SLC7A2: variants seen among roughly 807,000 people sequenced by gnomAD.
SLC7A2 encodes cationic amino acid transporter 2.
SLC7A2 carries 48 observed loss-of-function variants against 58.9 expected under a neutral mutation model. The ratio of observed to expected loss-of-function variants is 0.82; its 90% CI spans 0.65 to 1.04. The LOEUF (loss-of-function observed/expected upper bound fraction) is 1.04. SLC7A2 is among the 50% of genes least tolerant of loss of function. The pLI is 0.00. For synonymous variants in SLC7A2, 363 were observed against 314.5 expected, an observed-to-expected ratio of 1.15 and a Z score of -1.63; for missense variants, 1,029 against 818.8, an observed-to-expected ratio of 1.26 and a Z score of -3.13.
rs367835324 is a variant in SLC7A2 at position 17,544,484 on chromosome 8, C to G, written c.410C>G (p.Thr137Ser). 5.0e-6 allele frequency: 8 copies of G among 1,613,832 alleles called. No homozygotes were observed. The African/African-American group carries it at 9.3e-5, about 19-fold the overall frequency. The change falls in exon 4 of 13, where the codon ACC becomes AGC. Residue 137 changes from threonine to serine, a missense_variant. Physicochemically the swap from Thr to Ser is moderately conservative, Grantham distance 58. Coordinates refer to ENST00000494857, the MANE Select transcript of SLC7A2 (RefSeq NM_001370338.1). ...TSSVARAWSG[T>S]FDELLSKQIG... ...AGTGTTGCAAGAGCCTGGAGTGGCA[C>G]CTTTGATGAACTTCTTAGCAAACAG...
At chr8:17,505,058 G>A (rs938323078) in intron 2 of SLC7A2, among the ~76,000 whole-genome samples, 1 of 152,042 alleles carries the variant, frequency 6.6e-6, no homozygotes, top group Non-Finnish European at 1.5e-5. Context: ...GAAATTAAGT[G>A]ATGGAAGCAT....
At chr8:17,543,217 A>AAC (rs1243072765) in intron 2 of SLC7A2, 101 bp from the exon 3 acceptor site, 184 of 774,522 alleles carry the variant, frequency 2.4e-4, no homozygotes, top group African/African-American at 1.4e-3. Flanking sequence ...CACACACACA[A>AAC]ACACACACAC....
At chr8:17,502,129 A>G (rs1431614116) in intron 1 of SLC7A2, 128 bp from the exon 2 acceptor site, 2 of 151,580 alleles carry the variant, frequency 1.3e-5, no homozygotes, top group East Asian at 1.9e-4. Context: ...ATATATATGT[A>G]TGGTGGGAGT....
intron 2 of SLC7A2, among the ~76,000 whole-genome samples, chr8:17,542,764 C>G (rs1257190425): frequency 6.6e-6 from 1 of 152,162 alleles, no homozygotes; most frequent in Non-Finnish European, 1.5e-5. Context: ...AATTAGCCAT[C>G]TCTTGAAATA....
chr8:17,509,147 A>G (rs572135376), intron 2 of SLC7A2, among the ~76,000 whole-genome samples: 1 of 152,294 alleles, frequency 6.6e-6, no homozygotes, highest in African/African-American at 2.4e-5. Context: ...CCTTTCCTTC[A>G]TCATGTCATT....
chr8:17,535,526 C>T (rs1012594113), intron 2 of SLC7A2, among the ~76,000 whole-genome samples: 5 of 152,134 alleles, frequency 3.3e-5, no homozygotes, highest in Admixed American at 1.3e-4. Context: ...ATTGGGGCAG[C>T]CTATTTATGG....
chr8:17,517,514 C>T (rs952031089), intron 2 of SLC7A2, among the ~76,000 whole-genome samples: 4 of 151,820 alleles, frequency 2.6e-5, no homozygotes, highest in African/African-American at 7.3e-5. Flanking sequence ...TGTAGGTAAC[C>T]TTCTTCTATT....
chr8:17,560,560 T>C, intron 10 of SLC7A2, 27 bp downstream of exon 10: 1 of 1,565,182 alleles, frequency 6.4e-7, no homozygotes, highest in Non-Finnish European at 8.8e-7. Context: ...GCTTACATTG[T>C]ACAGACCCAG....
chr8:17,505,136 C>T (rs539415451), intron 2 of SLC7A2, among the ~76,000 whole-genome samples: 66 of 135,058 alleles, frequency 4.9e-4, no homozygotes, highest in African/African-American at 1.6e-3. Context: ...AAAAAGAATG[C>T]ACATCTGTAT....
At chr8:17,558,829 A>G (rs2150773394) in intron 9 of SLC7A2, among the ~76,000 whole-genome samples, 1 of 152,338 alleles carries the variant, frequency 6.6e-6, no homozygotes, top group East Asian at 1.9e-4. Context: ...AAATGAGGCT[A>G]CATTTGTTCA....
At chr8:17,564,888 A>G (rs1052410101) in intron 12 of SLC7A2, 62 bp from the exon 13 acceptor site, 1 of 1,344,562 alleles carries the variant, frequency 7.4e-7, no homozygotes, top group Non-Finnish European at 1.0e-6. Context: ...CCACCTCAAT[A>G]ACTTAAAAGT....
chr8:17,494,554 A>G (rs777752613), upstream of SLC7A2, among the ~76,000 whole-genome samples: 6 of 152,356 alleles, frequency 3.9e-5, no homozygotes, highest in Non-Finnish European at 8.8e-5. Context: ...CCGGGCAGCA[A>G]GAGAAAATGC....
intron 2 of SLC7A2, among the ~76,000 whole-genome samples, chr8:17,532,290 G>A (rs1409587145): frequency 5.6e-5 from 4 of 71,040 alleles, no homozygotes; most frequent in African/African-American, 7.5e-5. Context: ...AATAATGGCT[G>A]AAGAATCAGA....
chr8:17,550,484 A>C, intron 6 of SLC7A2, 50 bp downstream of exon 6: 15 of 1,570,050 alleles, frequency 9.6e-6, no homozygotes, highest in Non-Finnish European at 1.3e-5. Flanking sequence ...CTTGTTGTGC[A>C]CGAGTACCCG....
chr8:17,546,781 C>G (rs192504948), intron 4 of SLC7A2, among the ~76,000 whole-genome samples: 1 of 152,066 alleles, frequency 6.6e-6, no homozygotes. Flanking sequence ...ATACGGGGAA[C>G]AAACAACTAA....
intron 2 of SLC7A2, among the ~76,000 whole-genome samples, chr8:17,512,424 G>A (rs1324202759): frequency 1.3e-5 from 2 of 152,132 alleles, no homozygotes; most frequent in Non-Finnish European, 2.9e-5. Context: ...GCGCGTGTCT[G>A]TAATGCCAGC....
intron 2 of SLC7A2, among the ~76,000 whole-genome samples, chr8:17,514,375 T>C (rs887764685): frequency 3.0e-4 from 46 of 152,114 alleles, no homozygotes; most frequent in African/African-American, 1.1e-3. Context: ...AGAATAGAAG[T>C]AGAATGAGCC....
intron 6 of SLC7A2, 79 bp downstream of exon 6, chr8:17,550,513 C>G: frequency 7.3e-7 from 1 of 1,376,580 alleles, no homozygotes; most frequent in Non-Finnish European, 9.9e-7. Context: ...AGCAGAGGGT[C>G]CAGGAAAGAG....
intron 2 of SLC7A2, among the ~76,000 whole-genome samples, chr8:17,523,659 T>C (rs1289705629): frequency 6.6e-6 from 1 of 152,138 alleles, no homozygotes; most frequent in Non-Finnish European, 1.5e-5. Flanking sequence ...TCATAAAAGT[T>C]CTAGAAGATA....
Sources: gnomAD v4.1 joint callset for allele counts (sites outside exome capture counted in the v4.1 genomes callset) on GRCh38, gnomAD v4.1.1 for gene constraint, MANE v1.5 for transcripts, NCBI Gene and HGNC (gene_info 2026-07-23, HGNC 2026-07-21) for gene names.